The following RPS6KC1 variants were observed in gnomAD, a reference collection of about 807,000 sequenced individuals.
RPS6KC1 encodes inactive ribosomal protein S6 kinase delta-1.
RPS6KC1 carries 54 observed loss-of-function variants against 103.8 expected under a neutral mutation model. The observed-to-expected ratio is 0.52, with a 90% CI of 0.42 to 0.65. RPS6KC1 has a LOEUF of 0.65. Ranked by LOEUF, RPS6KC1 falls within the 30% of genes least tolerant of loss-of-function variation. The pLI is 0.00. For synonymous variants in RPS6KC1, 439 were observed against 438.7 expected (o/e 1.00, Z -0.01); for missense variants, 1,151 against 1,253.8 (o/e 0.92, Z 1.24).
At chr1:213,692,952 G>A in the RPS6KC1 span, among the ~76,000 whole-genome samples, 1 of 152,118 alleles carries the variant, frequency 6.6e-6, no homozygotes, top group Non-Finnish European at 1.5e-5. Flanking sequence ...GCTCATGTCT[G>A]CCTGACTGCC....
the RPS6KC1 span, among the ~76,000 whole-genome samples, chr1:213,687,174 T>C: frequency 6.6e-6 from 1 of 152,208 alleles, no homozygotes; most frequent in African/African-American, 2.4e-5. Context: ...TTTTATCCTG[T>C]GACTAAGAAT....
the RPS6KC1 span, among the ~76,000 whole-genome samples, chr1:213,711,045 G>T: frequency 6.6e-6 from 1 of 152,062 alleles, no homozygotes. Flanking sequence ...TGTATTTCCC[G>T]AATTTGAATG....
At chr1:213,314,113 G>T in the RPS6KC1 span, among the ~76,000 whole-genome samples, 1 of 151,790 alleles carries the variant, frequency 6.6e-6, no homozygotes, top group Non-Finnish European at 1.5e-5. Flanking sequence ...TTGGTCCTCG[G>T]CCTTCCTTGG....
At chr1:213,604,730 C>T in the RPS6KC1 span, among the ~76,000 whole-genome samples, 1 of 152,204 alleles carries the variant, frequency 6.6e-6, no homozygotes, top group African/African-American at 2.4e-5. Context: ...CTGCCTGGCT[C>T]CATTCCTGTA....
At chr1:213,382,838 C>G in the RPS6KC1 span, among the ~76,000 whole-genome samples, 1 of 152,234 alleles carries the variant, frequency 6.6e-6, no homozygotes, top group Non-Finnish European at 1.5e-5. Flanking sequence ...AAGTGCTTGC[C>G]TGGTGCCTAG....
At chr1:213,736,014 G>A in the RPS6KC1 span, among the ~76,000 whole-genome samples, 1 of 152,174 alleles carries the variant, frequency 6.6e-6, no homozygotes, top group African/African-American at 2.4e-5. Flanking sequence ...ACACCCGCTG[G>A]CTCTGCCACT....
chr1:213,164,172 T>C (rs1475745028), intron 6 of RPS6KC1, among the ~76,000 whole-genome samples: 1 of 152,214 alleles, frequency 6.6e-6, no homozygotes, highest in African/African-American at 2.4e-5. Flanking sequence ...AGAAGAGATA[T>C]ATTTCTTATA....
At chr1:213,602,012 T>C in the RPS6KC1 span, among the ~76,000 whole-genome samples, 1 of 38,772 alleles carries the variant, frequency 2.6e-5, no homozygotes. Context: ...TTTTCTTTTC[T>C]TTTCTTTCTT....
chr1:213,744,983 C>T, the RPS6KC1 span, among the ~76,000 whole-genome samples: 3 of 152,238 alleles, frequency 2.0e-5, no homozygotes, highest in African/African-American at 7.2e-5. Context: ...CACCACAGGA[C>T]ATCAGGAGGC....
chr1:213,838,252 T>C, the RPS6KC1 span, among the ~76,000 whole-genome samples: 1 of 152,200 alleles, frequency 6.6e-6, no homozygotes, highest in South Asian at 2.1e-4. Flanking sequence ...CAGTATTTTT[T>C]TGAAGTGAAA....
the RPS6KC1 span, among the ~76,000 whole-genome samples, chr1:213,415,844 A>G: frequency 6.6e-6 from 1 of 152,326 alleles, no homozygotes; most frequent in Non-Finnish European, 1.5e-5. Flanking sequence ...ATGAGGCCTC[A>G]TGCTTCAGAC....
intron 5 of RPS6KC1, among the ~76,000 whole-genome samples, chr1:213,123,025 T>TATAA (rs1292199101): frequency 3.9e-5 from 6 of 152,194 alleles, no homozygotes. Flanking sequence ...AAATTCATGG[T>TATAA]ATGCCATGGG....
At chr1:213,214,651 A>G (rs191046365) in intron 8 of RPS6KC1, among the ~76,000 whole-genome samples, 3 of 152,302 alleles carry the variant, frequency 2.0e-5, no homozygotes, top group South Asian at 2.1e-4. Flanking sequence ...GACACCTCAC[A>G]TGGCCGGGTA....
chr1:213,328,698 G>A, the RPS6KC1 span, among the ~76,000 whole-genome samples: 1 of 151,654 alleles, frequency 6.6e-6, no homozygotes, highest in African/African-American at 2.4e-5. Context: ...ATTCTAGACA[G>A]TGGGGGTTAG....
intron 8 of RPS6KC1, among the ~76,000 whole-genome samples, chr1:213,213,075 C>G (rs1490600548): frequency 1.3e-5 from 2 of 152,142 alleles, no homozygotes; most frequent in African/African-American, 2.4e-5. Flanking sequence ...TTAACAAAGT[C>G]TATCTTATCA....
At chr1:213,749,293 G>T in the RPS6KC1 span, among the ~76,000 whole-genome samples, 1 of 152,180 alleles carries the variant, frequency 6.6e-6, no homozygotes, top group Admixed American at 6.5e-5. Context: ...GCATGGAGTA[G>T]GTAGGACATC....
At chr1:213,150,417 A>G (rs1214846896) in intron 6 of RPS6KC1, among the ~76,000 whole-genome samples, 1,669 of 148,868 alleles carry the variant, frequency 0.011, 24 homozygotes, top group African/African-American at 0.039. Flanking sequence ...CAGATAAACA[A>G]GTGAACAAAG....
At chr1:213,283,344 G>A in the RPS6KC1 span, among the ~76,000 whole-genome samples, 1 of 152,188 alleles carries the variant, frequency 6.6e-6, no homozygotes, top group Admixed American at 6.5e-5. Flanking sequence ...AGCATGCAGA[G>A]CAACTGGATA....
chr1:213,406,759 G>C, the RPS6KC1 span, among the ~76,000 whole-genome samples: 3 of 152,194 alleles, frequency 2.0e-5, no homozygotes, highest in Non-Finnish European at 2.9e-5. Context: ...TGATGGGGAT[G>C]ACTTAGGAAT....
Sources: gnomAD v4.1 joint callset for allele counts (sites outside exome capture counted in the v4.1 genomes callset) on GRCh38, gnomAD v4.1.1 for gene constraint, MANE v1.5 for transcripts, NCBI Gene and HGNC (gene_info 2026-07-23, HGNC 2026-07-21) for gene names.